The following SYT13 variants were observed in gnomAD, a reference collection of about 807,000 sequenced individuals.
SYT13 encodes the protein synaptotagmin-13.
A neutral mutation model predicts 38.6 loss-of-function variants in SYT13; 21 were observed. The ratio of observed to expected loss-of-function variants is 0.54; its 90% CI spans 0.39 to 0.78. The LOEUF is 0.78. Among genes scored for constraint, SYT13 ranks in the 30% least tolerant of loss-of-function variants. SYT13 has a pLI of 0.00. For missense variants in SYT13, 495 were observed against 548.7 expected, an observed-to-expected ratio of 0.90 and a Z score of 0.98; for synonymous variants, 241 against 237.6, an observed-to-expected ratio of 1.01 and a Z score of -0.13.
At position 45,252,424 on chromosome 11, in the gene SYT13, C is replaced by T. The variant is rs542601898; in HGVS notation, c.843G>A (p.Ala281=). ...TCTAACCCAGGGGTTACCCTACCTT[C>T]GCTGAAGTCTTCAGCTCGCCCCACT... is the stretch of plus-strand genomic sequence containing the variant. ...AAQWGELKTS[A]KEPSAGAGEV... is the part of the protein sequence containing the mutation. Residue 281 remains alanine (A), a synonymous_variant, in exon 4 of 6, where the codon GCG becomes GCA. Transcript: ENST00000020926. The surrounding 1 kb of genome is among the most constrained non-coding windows in gnomAD (Gnocchi z 4.3). The T allele has an allele frequency of 2.0e-5, 32 of 1,578,474 alleles. No individual in the cohort carries two copies. The South Asian group carries it at 2.0e-4, about 10-fold the overall frequency.
In SYT13 at chr11:45,286,341, G is replaced by A; in HGVS notation, c.-134C>T. 5.4e-6 allele frequency: 6 copies of A among 1,110,952 alleles called. No individual in the cohort carries two copies. The highest frequency in any genetic ancestry group is 7.4e-6 in the Non-Finnish European group (6 of 815,142). 68.8% of individuals were successfully genotyped at this position (1,110,952 alleles called of 1,614,324 possible). On this transcript the variant is annotated 5_prime_UTR_variant, in exon 1 of 6. Coordinates refer to ENST00000020926, the MANE Select transcript of SYT13 (RefSeq NM_020826.3). The stretch of plus-strand genomic sequence containing the variant: ...CGCCAGAGGGGCGGGGACGGAGGGA[G>A]GGAGGACGGCTGCGAGGACGTCAGA...
chr11:45,262,875 G>A (rs1422935331), intron 1 of SYT13, among the ~76,000 whole-genome samples: 1 of 152,120 alleles, frequency 6.6e-6, no homozygotes, highest in African/African-American at 2.4e-5. Flanking sequence ...CTCCATGGGA[G>A]GAACTCGAGC....
At chr11:45,251,718 G>A (rs1194352138) in intron 4 of SYT13, among the ~76,000 whole-genome samples, 1 of 152,074 alleles carries the variant, frequency 6.6e-6, no homozygotes, top group East Asian at 1.9e-4. Context: ...CTCCCCAAGG[G>A]TCCCCTCTCT....
Position 45,246,483 on chromosome 11 carries a change from T to C in SYT13, c.876A>G (p.Leu292=), listed in dbSNP as rs1288213785. The part of the protein sequence containing the change: ...KEPSAGAGEV[L]LSISYLPAAN... The stretch of plus-strand genomic sequence containing the variant: ...CAGCCGGGAGGTAGCTGATGGATAG[T>C]AGGACCTCTCCAGCTCCTGCAGATG... The change falls in exon 5 of 6, where the codon CTA becomes CTG. Residue 292 remains leucine, a synonymous_variant. Transcript: ENST00000020926. 19 of 1,613,988 alleles carry C rather than the reference T, an allele frequency of 1.2e-5. No homozygotes were observed. The highest frequency in any genetic ancestry group is 1.4e-5 in the Non-Finnish European group (17 of 1,180,018).
At chr11:45,260,999 G>T (rs1209853369) in intron 1 of SYT13, among the ~76,000 whole-genome samples, 4 of 152,190 alleles carry the variant, frequency 2.6e-5, no homozygotes, top group East Asian at 1.9e-4. Flanking sequence ...GAGAGTTAAA[G>T]CTCCATAGGG....
At chr11:45,256,859 G>A (rs1334337527) in intron 1 of SYT13, among the ~76,000 whole-genome samples, 1 of 152,176 alleles carries the variant, frequency 6.6e-6, no homozygotes, top group Non-Finnish European at 1.5e-5. Context: ...GTCACCCTAG[G>A]AGAGACATGT....
chr11:45,274,473 C>T (rs748966280), intron 1 of SYT13, among the ~76,000 whole-genome samples: 4 of 152,224 alleles, frequency 2.6e-5, no homozygotes, highest in Non-Finnish European at 4.4e-5. Flanking sequence ...CCTCATGTCA[C>T]ATCACTGCCT....
In SYT13 at chr11:45,252,777, G is replaced by T; in HGVS notation, c.545-55C>A. The T allele has an allele frequency of 6.6e-7, 1 of 1,510,620 alleles. No homozygotes were observed. Among genetic ancestry groups the T allele is most frequent in the Admixed American group, 2.1e-5 (1 of 47,470 alleles). 93.6% of individuals were successfully genotyped at this position (1,510,620 alleles called of 1,614,324 possible). A position where few individuals can be genotyped will look rare whatever the true frequency, so the allele number is the denominator to read the frequency against. Reference sequence around the variant, plus strand: ...GGACTTTCTGAGGACAAGTGGAGGGGGCAGAAGCACGCCTTGCTTAGGGCT... The same window carrying T: ...GGACTTTCTGAGGACAAGTGGAGGGTGCAGAAGCACGCCTTGCTTAGGGCT... On this transcript the variant is annotated intron_variant, in intron 3 of 5. Transcript: ENST00000020926. The surrounding 1 kb of genome is among the most constrained non-coding windows in gnomAD (Gnocchi z 4.3).
At chr11:45,260,498 G>A (rs890744235) in intron 1 of SYT13, among the ~76,000 whole-genome samples, 1 of 152,172 alleles carries the variant, frequency 6.6e-6, no homozygotes, top group Non-Finnish European at 1.5e-5. Flanking sequence ...GGAAGGAGGT[G>A]CTCAGGGTAG....
intron 1 of SYT13, among the ~76,000 whole-genome samples, chr11:45,277,574 T>A (rs1008738483): frequency 6.6e-6 from 1 of 152,140 alleles, no homozygotes; most frequent in African/African-American, 2.4e-5. Flanking sequence ...CACCAGGATC[T>A]CCCTTTCTCT....
At position 45,248,314 on chromosome 11, in the gene SYT13, C is replaced by T. The variant is rs149701366; in HGVS notation, c.847-1802G>A. Among the ~76,000 whole-genome samples, 772 of 152,340 alleles carry T rather than the reference C, an allele frequency of 5.1e-3. 2 individuals are homozygous for T. Among genetic ancestry groups the T allele is most frequent in the Non-Finnish European group, 8.4e-3 (570 of 68,034 alleles). ...TGGCCTCCATTCACACTATGCAACT[C>T]CAGCACCTGGGACACAGTGGGCACA... On this transcript the variant is annotated intron_variant, in intron 4 of 5. Coordinates refer to ENST00000020926, the MANE Select transcript of SYT13 (RefSeq NM_020826.3).
chr11:45,265,118 G>T (rs1013676056), intron 1 of SYT13, among the ~76,000 whole-genome samples: 1 of 152,238 alleles, frequency 6.6e-6, no homozygotes, highest in Non-Finnish European at 1.5e-5. Context: ...CAATGGAGAA[G>T]TCCATTGGGG....
At chr11:45,264,776 TGTTAAA>T (rs1854861537) in intron 1 of SYT13, among the ~76,000 whole-genome samples, 1 of 152,038 alleles carries the variant, frequency 6.6e-6, no homozygotes, top group Non-Finnish European at 1.5e-5. Flanking sequence ...CCCAGGAAGA[TGTTAAA>T]AAAAATGTAG....
intron 1 of SYT13, among the ~76,000 whole-genome samples, chr11:45,272,705 A>G (rs1854965466): frequency 6.6e-6 from 1 of 152,194 alleles, no homozygotes; most frequent in Non-Finnish European, 1.5e-5. Flanking sequence ...CTGGCTCCAA[A>G]TTACTATAAA....
intron 1 of SYT13, among the ~76,000 whole-genome samples, chr11:45,266,252 T>C (rs1309925358): frequency 6.6e-6 from 1 of 152,118 alleles, no homozygotes; most frequent in Non-Finnish European, 1.5e-5. Context: ...TTTCTCAAAC[T>C]TTCTTTCCAA....
Position 45,251,344 on chromosome 11 carries a change from G to A in SYT13, c.846+1077C>T, listed in dbSNP as rs902413910. ...GCAGAGGTTGCAGTGAGCCGAGATC[G>A]CGCCACTGCACTCCAGCCTGGCAAC... On this transcript the variant is annotated intron_variant, in intron 4 of 5. Transcript: ENST00000020926. 8.9e-5 allele frequency among the ~76,000 whole-genome samples: 12 copies of A among 134,684 alleles called. No homozygotes were observed. In the East Asian group the frequency reaches 1.9e-3, roughly 21 times the overall value. The allele number at this position is 134,684 out of a possible 152,430, so 88.4% of individuals were successfully genotyped here. A position where few individuals can be genotyped will look rare whatever the true frequency, so the allele number is the denominator to read the frequency against.
chr11:45,286,285 C>T lies in SYT13; in HGVS notation c.-78G>A. ...GCCGGGCCCGCCTCCAGGCAGCTCC[C>T]GGGATCCGGGCGAGCCAGCAGCTCT... On this transcript the variant is annotated 5_prime_UTR_variant, in exon 1 of 6. Transcript: ENST00000020926. The T allele has an allele frequency of 2.8e-6, 4 of 1,428,666 alleles. No individual in the cohort carries two copies. Among genetic ancestry groups the T allele is most frequent in the East Asian group, 2.6e-5 (1 of 37,790 alleles). 88.5% of individuals were successfully genotyped at this position (1,428,666 alleles called of 1,614,324 possible). A position where few individuals can be genotyped will look rare whatever the true frequency, so the allele number is the denominator to read the frequency against.
At chr11:45,249,323 A>G (rs1044770339) in intron 4 of SYT13, among the ~76,000 whole-genome samples, 3 of 152,244 alleles carry the variant, frequency 2.0e-5, no homozygotes, top group Non-Finnish European at 4.4e-5. Context: ...TAGTTCAACC[A>G]TTGTGGAAGA....
intron 1 of SYT13, chr11:45,269,607 A>G (rs1420193862): frequency 7.9e-6 from 4 of 505,242 alleles, no homozygotes; most frequent in African/African-American, 6.3e-5. Flanking sequence ...ATATTAACAA[A>G]TAAAAAATAA....
Sources: gnomAD v4.1 joint callset for allele counts (sites outside exome capture counted in the v4.1 genomes callset) on GRCh38, gnomAD v4.1.1 for gene constraint, Gnocchi (gnomAD v3.1) non-coding constraint, MANE v1.5 for transcripts, NCBI Gene and HGNC (gene_info 2026-07-23, HGNC 2026-07-21) for gene names.